The following EPHA3 variants were observed in gnomAD, a reference collection of about 807,000 sequenced individuals.
The protein encoded by EPHA3 is ephrin type-A receptor 3.
EPHA3 carries 42 observed loss-of-function variants against 107.1 expected under a neutral mutation model. The ratio of observed to expected loss-of-function variants is 0.39; its 90% CI spans 0.31 to 0.51. The LOEUF is 0.51. EPHA3 is among the 20% of genes least tolerant of loss of function. The pLI is 0.78. For synonymous variants in EPHA3, 461 were observed against 424.8 expected, an observed-to-expected ratio of 1.09 and a Z score of -1.05; for missense variants, 1,183 against 1,211.2, an observed-to-expected ratio of 0.98 and a Z score of 0.35.
chr3:89,194,121 A>C (rs1201460379), intron 2 of EPHA3, among the ~76,000 whole-genome samples: 9 of 152,014 alleles, frequency 5.9e-5, no homozygotes, highest in South Asian at 2.1e-4. Flanking sequence ...CCATTCCCAA[A>C]TATTCTTCCA....
At chr3:89,455,558 T>C (rs547572936) in intron 15 of EPHA3, among the ~76,000 whole-genome samples, 2 of 152,156 alleles carry the variant, frequency 1.3e-5, no homozygotes, top group Non-Finnish European at 2.9e-5. Context: ...AGTAAGATGA[T>C]TTGATTTATA....
At chr3:89,287,418 C>T (rs955709753) in intron 3 of EPHA3, among the ~76,000 whole-genome samples, 6 of 151,968 alleles carry the variant, frequency 3.9e-5, no homozygotes, top group Non-Finnish European at 7.4e-5. Flanking sequence ...GTTGATAATT[C>T]TCAATGAAAA....
At chr3:89,319,128 A>G (rs1706980704) in intron 3 of EPHA3, among the ~76,000 whole-genome samples, 2 of 151,834 alleles carry the variant, frequency 1.3e-5, no homozygotes, top group Non-Finnish European at 2.9e-5. Flanking sequence ...AATGTAAGCA[A>G]TTTTCTGATA....
chr3:89,158,392 T>A (rs1168316310), intron 2 of EPHA3, among the ~76,000 whole-genome samples: 1 of 152,118 alleles, frequency 6.6e-6, no homozygotes, highest in Non-Finnish European at 1.5e-5. Flanking sequence ...TAAGGTATAC[T>A]TATAAATTCT....
At chr3:89,419,526 G>A (rs1309298775) in intron 11 of EPHA3, 136 bp downstream of exon 11, 1 of 657,754 alleles carries the variant, frequency 1.5e-6, no homozygotes, top group African/African-American at 1.8e-5. Flanking sequence ...TTTAGGAATA[G>A]CATGCCTTTC....
At chr3:89,149,913 T>C (rs1215272800) in intron 2 of EPHA3, among the ~76,000 whole-genome samples, 1 of 151,954 alleles carries the variant, frequency 6.6e-6, no homozygotes, top group Non-Finnish European at 1.5e-5. Context: ...TCAGCTGTTA[T>C]AATAAACAAA....
intron 3 of EPHA3, among the ~76,000 whole-genome samples, chr3:89,227,703 T>C (rs1296271009): frequency 2.0e-5 from 3 of 152,070 alleles, no homozygotes; most frequent in African/African-American, 7.2e-5. Context: ...GAAGGCTGAG[T>C]ATTATTATTT....
intron 3 of EPHA3, among the ~76,000 whole-genome samples, chr3:89,304,714 A>G (rs1487625127): frequency 1.3e-5 from 2 of 152,118 alleles, no homozygotes; most frequent in Non-Finnish European, 2.9e-5. Flanking sequence ...TATCATACAA[A>G]CAATGTAATA....
At chr3:89,447,824 C>A (rs1576383364) in intron 13 of EPHA3, among the ~76,000 whole-genome samples, 2 of 152,098 alleles carry the variant, frequency 1.3e-5, no homozygotes, top group African/African-American at 4.8e-5. Context: ...GACAGTCCTG[C>A]ACAACAAGGC....
chr3:89,308,247 A>T (rs1246251401), intron 3 of EPHA3, among the ~76,000 whole-genome samples: 1 of 152,198 alleles, frequency 6.6e-6, no homozygotes, highest in East Asian at 1.9e-4. Flanking sequence ...GAAAAGTAGT[A>T]CATAACTGTG....
chr3:89,110,672 A>T (rs1707081832), intron 1 of EPHA3, among the ~76,000 whole-genome samples: 1 of 151,982 alleles, frequency 6.6e-6, no homozygotes, highest in Non-Finnish European at 1.5e-5. Context: ...TTTTAATGGG[A>T]GATCAGCTGT....
intron 2 of EPHA3, among the ~76,000 whole-genome samples, chr3:89,149,501 A>ATTG (rs1704642915): frequency 6.6e-6 from 1 of 151,960 alleles, no homozygotes; most frequent in Admixed American, 6.6e-5. Context: ...TATTATTATT[A>ATTG]TACTTTAAGT....
chr3:89,144,336 C>A (rs1704490993), intron 2 of EPHA3, among the ~76,000 whole-genome samples: 1 of 151,620 alleles, frequency 6.6e-6, no homozygotes, highest in Non-Finnish European at 1.5e-5. Flanking sequence ...AAGATTCCTG[C>A]ACATCTTTTC....
chr3:89,195,118 T>G (rs1282630768), intron 2 of EPHA3, among the ~76,000 whole-genome samples: 3 of 152,098 alleles, frequency 2.0e-5, no homozygotes, highest in Non-Finnish European at 4.4e-5. Context: ...TAATTTTTTT[T>G]TCTGAATTCT....
chr3:89,110,217 A>G (rs1444807318), intron 1 of EPHA3, among the ~76,000 whole-genome samples: 2 of 152,008 alleles, frequency 1.3e-5, no homozygotes, highest in Admixed American at 6.6e-5. Flanking sequence ...AACACTGTAA[A>G]AAATTTATGA....
chr3:89,214,604 A>G (rs1341288582), intron 3 of EPHA3, among the ~76,000 whole-genome samples: 1 of 151,704 alleles, frequency 6.6e-6, no homozygotes, highest in African/African-American at 2.4e-5. Flanking sequence ...CTAAAGAGAC[A>G]TTTTTTTTGT....
intron 2 of EPHA3, among the ~76,000 whole-genome samples, chr3:89,147,798 T>C (rs187777990): frequency 9.2e-5 from 14 of 152,036 alleles, no homozygotes; most frequent in Non-Finnish European, 1.8e-4. Flanking sequence ...AAATAATGAC[T>C]ACTAACAATT....
intron 5 of EPHA3, among the ~76,000 whole-genome samples, chr3:89,389,510 T>C (rs1302439241): frequency 3.3e-5 from 5 of 152,212 alleles, no homozygotes; most frequent in African/African-American, 1.2e-4. Flanking sequence ...ATCACAGAGA[T>C]ACCTCAGAGG....
At chr3:89,324,327 C>T (rs139599186) in intron 3 of EPHA3, among the ~76,000 whole-genome samples, 190 of 151,290 alleles carry the variant, frequency 1.3e-3, no homozygotes, top group African/African-American at 4.2e-3. Flanking sequence ...GCAAACATGC[C>T]GTGCTATTTT....
Sources: gnomAD v4.1 joint callset for allele counts (sites outside exome capture counted in the v4.1 genomes callset) on GRCh38, gnomAD v4.1.1 for gene constraint, MANE v1.5 for transcripts, NCBI Gene and HGNC (gene_info 2026-07-23, HGNC 2026-07-21) for gene names.